Variants in LHCGR observed in about 807,000 individuals in gnomAD.
LHCGR encodes lutropin-choriogonadotropic hormone receptor.
A neutral mutation model predicts 60.7 loss-of-function variants in LHCGR; 55 were observed. The observed-to-expected ratio is 0.91, with a 90% confidence interval of 0.73 to 1.13. LHCGR has a LOEUF of 1.13. LHCGR is among the 50% of genes most tolerant of loss of function. The pLI, the probability that LHCGR is intolerant of heterozygous loss-of-function variation, is 0.00. For synonymous variants in LHCGR, 337 were observed against 316.5 expected, an observed-to-expected ratio of 1.06 and a Z score of -0.69; for missense variants, 862 against 836.0, an observed-to-expected ratio of 1.03 and a Z score of -0.38.
At chr2:48,726,047 G>T (rs1441934967) in intron 3 of LHCGR, among the ~76,000 whole-genome samples, 1 of 151,320 alleles carries the variant, frequency 6.6e-6, no homozygotes, top group African/African-American at 2.4e-5. Context: ...AGACAGCACC[G>T]ACATCCAGGG....
rs7589348 is a variant in LHCGR at position 48,688,962 on chromosome 2, C to T, written c.948-113G>A. ...CAAAAGGAAACAAAGCCATAATAGC[C>T]TCAGCCTTACATTTATTTGTTAAAT... On this transcript the variant is annotated intron_variant, in intron 10 of 10. Coordinates refer to ENST00000294954, the MANE Select transcript of LHCGR (RefSeq NM_000233.4). This position sits in a 1 kb window ranked among gnomAD's most constrained non-coding sequence, Gnocchi z 5.2. 9,922 of 890,498 alleles carry T rather than the reference C, an allele frequency of 0.011. 696 individuals carry two copies. The African/African-American group carries it at 0.15, about 13-fold the overall frequency. The allele number at this position is 890,498 out of a possible 1,614,324, so 55.2% of individuals were successfully genotyped here.
chr2:48,719,558 A>C (rs1057145119), intron 6 of LHCGR, among the ~76,000 whole-genome samples: 13 of 152,222 alleles, frequency 8.5e-5, no homozygotes, highest in Non-Finnish European at 1.9e-4. Flanking sequence ...GCACAGCTAA[A>C]TTCTGCTTAT....
intron 1 of LHCGR, among the ~76,000 whole-genome samples, chr2:48,741,365 G>A (rs1443584442): frequency 6.6e-6 from 1 of 152,114 alleles, no homozygotes; most frequent in Non-Finnish European, 1.5e-5. Flanking sequence ...TCCTCGAGAA[G>A]AGCAACTCCA....
chr2:48,703,505 T>C (rs1333448125), intron 8 of LHCGR, among the ~76,000 whole-genome samples: 2 of 152,214 alleles, frequency 1.3e-5, no homozygotes, highest in Non-Finnish European at 2.9e-5. Context: ...TAGCGAGTTT[T>C]CCTGACACCA....
intron 1 of LHCGR, among the ~76,000 whole-genome samples, chr2:48,746,243 C>G (rs1669700992): frequency 6.6e-6 from 1 of 152,134 alleles, no homozygotes; most frequent in Non-Finnish European, 1.5e-5. Flanking sequence ...GGAATTGATT[C>G]TTCTGTTTGT....
rs147130014 is a variant in LHCGR, at chr2:48,713,905, T to G, written c.605+81A>C. On this transcript the variant is annotated intron_variant, in intron 7 of 10. Transcript: ENST00000294954. Reference sequence around the variant, plus strand: ...AAGTTTATTTTTGCCCTGAGTTAGTTGCTGAAGATTGAATGTGATCTTGTA... The same window carrying G: ...AAGTTTATTTTTGCCCTGAGTTAGTGGCTGAAGATTGAATGTGATCTTGTA... 81 of 1,111,306 alleles carry G rather than the reference T, an allele frequency of 7.3e-5. No individual in the cohort carries two copies. In the African/African-American group the frequency reaches 1.2e-3, roughly 17 times the overall value. The allele number at this position is 1,111,306 out of a possible 1,614,324, so 68.8% of individuals were successfully genotyped here. A position where few individuals can be genotyped will look rare whatever the true frequency, so the allele number is the denominator to read the frequency against.
In LHCGR at chr2:48,688,702, C is replaced by A. The variant is rs74447072; in HGVS notation, c.1095G>T (p.Leu365=). The A allele has an allele frequency of 3.7e-6, 6 of 1,614,054 alleles. No individual in the cohort carries two copies. Among genetic ancestry groups the A allele is most frequent in the Non-Finnish European group, 3.4e-6 (4 of 1,180,024 alleles). ...TGGCTAGAATATTAATCAGCCAAAT[C>A]AGGACCCTAAGGAAGTCATAGCCCA... The part of the protein sequence containing the change: ...DIMGYDFLRV[L]IWLINILAIM... The change falls in exon 11 of 11, where the codon CTG becomes CTT. Residue 365 remains leucine, a synonymous_variant. Coordinates refer to ENST00000294954, the MANE Select transcript of LHCGR (RefSeq NM_000233.4). This position sits in a 1 kb window ranked among gnomAD's most constrained non-coding sequence, Gnocchi z 5.2.
intron 7 of LHCGR, among the ~76,000 whole-genome samples, chr2:48,709,924 G>T (rs1236033869): frequency 1.3e-5 from 2 of 152,164 alleles, no homozygotes; most frequent in East Asian, 3.9e-4. Context: ...CTCTCTATAA[G>T]AGAATGGTTG....
At chr2:48,736,348 C>T (rs967096853) in intron 1 of LHCGR, among the ~76,000 whole-genome samples, 1 of 152,192 alleles carries the variant, frequency 6.6e-6, no homozygotes, top group African/African-American at 2.4e-5. Flanking sequence ...AGACCTTCTT[C>T]CTATCAATTC....
intron 1 of LHCGR, chr2:48,733,117 C>G: frequency 2.7e-6 from 1 of 369,680 alleles, no homozygotes; most frequent in South Asian, 2.2e-5. Flanking sequence ...TCCACTGTAC[C>G]CCTTGCAGCA....
intron 10 of LHCGR, among the ~76,000 whole-genome samples, chr2:48,689,096 T>TAC (rs1680065289): frequency 6.6e-6 from 1 of 151,164 alleles, no homozygotes; most frequent in Non-Finnish European, 1.5e-5. Flanking sequence ...CACATATATA[T>TAC]ACATATATAC....
chr2:48,736,504 G>A (rs967106696), intron 1 of LHCGR, among the ~76,000 whole-genome samples: 2 of 152,154 alleles, frequency 1.3e-5, no homozygotes, highest in Non-Finnish European at 2.9e-5. Context: ...ACCTTATCAT[G>A]TCCTCCCTGG....
chr2:48,688,281 T>C lies in LHCGR; in HGVS notation c.1516A>G (p.Ser506Gly). 4 of 1,614,148 alleles carry C rather than the reference T, an allele frequency of 2.5e-6. No homozygotes were observed. Among genetic ancestry groups the C allele is most frequent in the Non-Finnish European group, 3.4e-6 (4 of 1,180,024 alleles). Reference protein sequence around the residue: ...LIAMLPLVGVSNYMKVSICFP... With the variant: ...LIAMLPLVGVGNYMKVSICFP... ...CAAATACTGACCTTCATGTAATTGC[T>C]GACACCGACAAGGGGCAACATAGCA... Residue 506 changes from serine (S) to glycine (G), a missense_variant, in exon 11 of 11, where the codon AGC becomes GGC. By Grantham distance (56) the Ser-to-Gly change is moderately conservative (BLOSUM62 0). Coordinates refer to ENST00000294954, the MANE Select transcript of LHCGR (RefSeq NM_000233.4). The surrounding 1 kb of genome is among the most constrained non-coding windows in gnomAD (Gnocchi z 5.2).
chr2:48,755,171 C>A (rs1350957614), intron 1 of LHCGR, among the ~76,000 whole-genome samples: 3 of 151,850 alleles, frequency 2.0e-5, no homozygotes, highest in Middle Eastern at 6.8e-3. Flanking sequence ...TGGCAGAGAC[C>A]CCTGCCAGAG....
At chr2:48,699,002 C>G (rs1394109399) in intron 8 of LHCGR, among the ~76,000 whole-genome samples, 1 of 152,034 alleles carries the variant, frequency 6.6e-6, no homozygotes, top group African/African-American at 2.4e-5. Context: ...CTACCACGCC[C>G]GGCTAAGAGA....
intron 7 of LHCGR, among the ~76,000 whole-genome samples, chr2:48,710,990 A>G (rs540964595): frequency 6.6e-6 from 1 of 152,068 alleles, no homozygotes; most frequent in African/African-American, 2.4e-5. Flanking sequence ...CATCTCCTTC[A>G]TCTCCAGTCT....
intron 3 of LHCGR, among the ~76,000 whole-genome samples, chr2:48,726,320 T>C (rs2104457102): frequency 6.6e-6 from 1 of 152,354 alleles, no homozygotes; most frequent in East Asian, 1.9e-4. Context: ...TCCAGCCTCC[T>C]AACTTCCCTG....
intron 9 of LHCGR, among the ~76,000 whole-genome samples, chr2:48,697,629 A>G (rs1367349392): frequency 6.6e-6 from 1 of 152,190 alleles, no homozygotes; most frequent in Non-Finnish European, 1.5e-5. Flanking sequence ...ATTATAAATA[A>G]TTCATTTTGG....
At chr2:48,725,885 A>T in intron 3 of LHCGR, 135 bp from the exon 4 acceptor site, 6 of 712,162 alleles carry the variant, frequency 8.4e-6, no homozygotes, top group East Asian at 2.7e-5. Context: ...TATGCTTGGG[A>T]GGACCCCTAG....
Sources: gnomAD v4.1 joint callset for allele counts (sites outside exome capture counted in the v4.1 genomes callset) on GRCh38, gnomAD v4.1.1 for gene constraint, Gnocchi (gnomAD v3.1) non-coding constraint, MANE v1.5 for transcripts, NCBI Gene and HGNC (gene_info 2026-07-23, HGNC 2026-07-21) for gene names.